Variants in NUBPL observed in about 807,000 individuals in gnomAD.
NUBPL encodes the protein NUBP iron-sulfur cluster assembly factor, mitochondrial, also known as iron-sulfur cluster transfer protein NUBPL.
A neutral mutation model predicts 45.7 loss-of-function variants in NUBPL; 31 were observed. The observed-to-expected ratio is 0.68, with a 90% CI of 0.51 to 0.92. The LOEUF (loss-of-function observed/expected upper bound fraction) is 0.92. Among genes scored for constraint, NUBPL ranks in the 40% least tolerant of loss-of-function variants. The probability of loss-of-function intolerance (pLI) is 0.00; values close to 1 mark genes in which losing one functional copy is unlikely to be tolerated. For synonymous variants in NUBPL, 144 were observed against 140.9 expected (o/e 1.02, Z -0.15); for missense variants, 401 against 398.7 (o/e 1.01, Z -0.05).
intron 10 of NUBPL, among the ~76,000 whole-genome samples, chr14:31,854,015 G>A (rs981028688): frequency 1.3e-5 from 2 of 152,176 alleles, no homozygotes; most frequent in African/African-American, 2.4e-5. Flanking sequence ...GCTACAGAAA[G>A]ATGTGCTATA....
intron 6 of NUBPL, among the ~76,000 whole-genome samples, chr14:31,751,456 A>G (rs1049585148): frequency 1.3e-5 from 2 of 152,272 alleles, no homozygotes; most frequent in Non-Finnish European, 2.9e-5. Flanking sequence ...CACAGGCCCC[A>G]TGCAAGTCTG....
At chr14:31,695,166 A>G (rs191726073) in intron 6 of NUBPL, among the ~76,000 whole-genome samples, 2 of 152,196 alleles carry the variant, frequency 1.3e-5, no homozygotes, top group Non-Finnish European at 2.9e-5. Context: ...GTTAGTCAGC[A>G]TTGAAAGAGA....
intron 6 of NUBPL, among the ~76,000 whole-genome samples, chr14:31,779,891 T>C (rs2039161296): frequency 6.6e-6 from 1 of 152,204 alleles, no homozygotes. Context: ...TTACTTACAG[T>C]CTTAAGGTTC....
chr14:31,639,816 A>G (rs886833885), intron 4 of NUBPL, among the ~76,000 whole-genome samples: 30 of 152,242 alleles, frequency 2.0e-4, no homozygotes, highest in African/African-American at 3.4e-4. Flanking sequence ...CCTCGCTGCC[A>G]CCTTGCAGTT....
At chr14:31,698,837 G>GACTTAC (rs2037270933) in intron 6 of NUBPL, among the ~76,000 whole-genome samples, 1 of 151,430 alleles carries the variant, frequency 6.6e-6, no homozygotes, top group South Asian at 2.1e-4. Flanking sequence ...CAAAAGAAGT[G>GACTTAC]ACTCAATAGT....
chr14:31,589,391 T>G (rs8018042), intron 3 of NUBPL, among the ~76,000 whole-genome samples: 46,583 of 151,976 alleles, frequency 0.31, 7,761 homozygotes, highest in South Asian at 0.41. Context: ...TCATACATTT[T>G]ATAGAAAATA....
At chr14:31,597,255 C>G (rs569238605) in intron 3 of NUBPL, among the ~76,000 whole-genome samples, 87 of 152,272 alleles carry the variant, frequency 5.7e-4, no homozygotes, top group African/African-American at 2.0e-3. Context: ...TTTCTATTCT[C>G]TAGGAAGCAG....
chr14:31,784,028 C>G (rs1281201080), intron 6 of NUBPL, among the ~76,000 whole-genome samples: 1 of 152,012 alleles, frequency 6.6e-6, no homozygotes, highest in Non-Finnish European at 1.5e-5. Flanking sequence ...TTTTGTCAAC[C>G]TGAAGTAATC....
intron 6 of NUBPL, among the ~76,000 whole-genome samples, chr14:31,746,768 G>C (rs965151403): frequency 2.0e-5 from 3 of 151,868 alleles, no homozygotes; most frequent in African/African-American, 7.3e-5. Flanking sequence ...ATTGGTGTTA[G>C]TTCTTCTTTA....
intron 4 of NUBPL, among the ~76,000 whole-genome samples, chr14:31,649,213 T>G (rs965313754): frequency 6.6e-6 from 1 of 152,348 alleles, no homozygotes; most frequent in African/African-American, 2.4e-5. Context: ...TCAGAACCTT[T>G]AAGATAATTG....
At chr14:31,668,996 C>T (rs990341724) in intron 4 of NUBPL, among the ~76,000 whole-genome samples, 2 of 151,904 alleles carry the variant, frequency 1.3e-5, no homozygotes, top group African/African-American at 2.4e-5. Context: ...CCCATCTTGC[C>T]CTGCTCCTTA....
intron 7 of NUBPL, among the ~76,000 whole-genome samples, chr14:31,788,907 T>C (rs2039331032): frequency 6.6e-6 from 1 of 152,236 alleles, no homozygotes; most frequent in African/African-American, 2.4e-5. Context: ...ATCTGTGTTC[T>C]AGAAAAGCAG....
intron 3 of NUBPL, among the ~76,000 whole-genome samples, chr14:31,569,258 G>C (rs945385730): frequency 6.6e-6 from 1 of 152,026 alleles, no homozygotes; most frequent in Non-Finnish European, 1.5e-5. Context: ...GTGCAGTGGT[G>C]TGATCTCAGC....
intron 6 of NUBPL, among the ~76,000 whole-genome samples, chr14:31,758,769 A>G (rs967351528): frequency 2.0e-5 from 3 of 152,234 alleles, no homozygotes; most frequent in African/African-American, 7.2e-5. Flanking sequence ...GTCATTCAAA[A>G]TAACTACTGA....
At chr14:31,736,018 A>G (rs1262903302) in intron 6 of NUBPL, among the ~76,000 whole-genome samples, 2 of 152,192 alleles carry the variant, frequency 1.3e-5, no homozygotes, top group African/African-American at 2.4e-5. Context: ...TATATATTTC[A>G]GAGGGAGTAT....
intron 4 of NUBPL, among the ~76,000 whole-genome samples, chr14:31,631,659 T>C (rs577071334): frequency 6.6e-6 from 1 of 152,228 alleles, no homozygotes; most frequent in African/African-American, 2.4e-5. Flanking sequence ...ATATAAGTTT[T>C]AGGTGCTGTA....
At position 31,860,178 on chromosome 14, in the gene NUBPL, C is replaced by G. The variant is rs2040690361; in HGVS notation, c.*998C>G. On this transcript the variant is annotated 3_prime_UTR_variant, in exon 11 of 11. Coordinates refer to ENST00000281081, the MANE Select transcript of NUBPL (RefSeq NM_025152.3). ...ATTAGCTGGGTGTGGTGGCATATGC[C>G]TGTAATCCCAGCTACTCGGGAGGCT... 1 of 151,868 alleles carries G rather than the reference C, an allele frequency of 6.6e-6. No individual in the cohort carries two copies. Among genetic ancestry groups the G allele is most frequent in the Non-Finnish European group, 1.5e-5 (1 of 68,108 alleles). The allele number at this position is 151,868 out of a possible 1,614,324, so 9.4% of individuals were successfully genotyped here. A position where few individuals can be genotyped will look rare whatever the true frequency, so the allele number is the denominator to read the frequency against.
At chr14:31,719,947 G>C (rs963361750) in intron 6 of NUBPL, among the ~76,000 whole-genome samples, 4 of 152,070 alleles carry the variant, frequency 2.6e-5, no homozygotes, top group African/African-American at 9.7e-5. Flanking sequence ...TAATGATATA[G>C]TATGCCATCT....
rs143275722 is a variant in NUBPL, at chr14:31,637,276, C to T, written c.383-36079C>T. The stretch of plus-strand genomic sequence containing the variant: ...CTGCTTTGAATGTGTCCCAGAGATT[C>T]TGGTATGTTGTGTCTTTGTTCTTGT... On this transcript the variant is annotated intron_variant, in intron 4 of 10. Transcript: ENST00000281081. Among the ~76,000 whole-genome samples the T allele has an allele frequency of 7.2e-3, 1,101 of 152,320 alleles. 13 individuals are homozygous for T. The highest frequency in any genetic ancestry group is 8.2e-3 in the Non-Finnish European group (560 of 68,036).
Sources: allele counts gnomAD v4.1 joint callset (sites outside exome capture counted in the v4.1 genomes callset), GRCh38; gene constraint gnomAD v4.1.1; transcripts MANE v1.5; gene names NCBI Gene and HGNC (gene_info 2026-07-23, HGNC 2026-07-21).